The following SPTBN4 variants were observed in gnomAD, a reference collection of about 807,000 sequenced individuals.
The protein encoded by SPTBN4 is spectrin beta, non-erythrocytic 4, also known as spectrin beta chain, non-erythrocytic 4.
A neutral mutation model predicts 277.8 loss-of-function variants in SPTBN4; 96 were observed. The ratio of observed to expected loss-of-function variants is 0.35; its 90% CI spans 0.29 to 0.41. The LOEUF (loss-of-function observed/expected upper bound fraction) is 0.41, where lower values mean the gene tolerates loss of function less well. Ranked by LOEUF, SPTBN4 falls within the 10% of genes least tolerant of loss-of-function variation. The pLI is 1.00. For synonymous variants in SPTBN4, 1,481 were observed against 1,580.3 expected, an observed-to-expected ratio of 0.94 and a Z score of 1.49; for missense variants, 3,006 against 3,595.7, an observed-to-expected ratio of 0.84 and a Z score of 4.19.
chr19:40,567,297 A>G (rs2081103153), intron 30 of SPTBN4: 1 of 134,704 alleles, frequency 7.4e-6, no homozygotes, highest in East Asian at 2.2e-4. Flanking sequence ...AGACTGTCTC[A>G]AAAATAAATA....
At chr19:40,545,662 C>A (rs1339558970) in intron 20 of SPTBN4, among the ~76,000 whole-genome samples, 1 of 151,912 alleles carries the variant, frequency 6.6e-6, no homozygotes, top group East Asian at 1.9e-4. Context: ...AATCCCAGCA[C>A]TTTGGGAGGC....
chr19:40,510,626 T>C (rs753962735), intron 13 of SPTBN4, among the ~76,000 whole-genome samples: 11 of 152,204 alleles, frequency 7.2e-5, no homozygotes, highest in Non-Finnish European at 1.3e-4. Flanking sequence ...ATTGTAACTA[T>C]TATTCAGTTG....
chr19:40,502,576 G>C lies in SPTBN4; in HGVS notation c.1203+69G>C. 6.8e-7 allele frequency: 1 copy of C among 1,480,010 alleles called. No homozygotes were observed. Among genetic ancestry groups the C allele is most frequent in the South Asian group, 1.3e-5 (1 of 78,352 alleles). 91.7% of individuals were successfully genotyped at this position (1,480,010 alleles called of 1,614,324 possible). On this transcript the variant is annotated intron_variant, in intron 10 of 35. Transcript: ENST00000598249. The surrounding 1 kb of genome is among the most constrained non-coding windows in gnomAD (Gnocchi z 4.9). ...GTTGTATAGGTTGCACACTGCTCAAGGGAATCATTCACATTGTAGACATGA... is the reference window on the plus strand; with the variant it reads ...GTTGTATAGGTTGCACACTGCTCAACGGAATCATTCACATTGTAGACATGA...
In SPTBN4 at chr19:40,519,621, C is replaced by T; in HGVS notation, c.3124C>T (p.Leu1042=). 2 of 1,446,180 alleles carry T rather than the reference C, an allele frequency of 1.4e-6. No homozygotes were observed. The highest frequency in any genetic ancestry group is 9.0e-7 in the Non-Finnish European group (1 of 1,111,670). 89.6% of individuals were successfully genotyped at this position (1,446,180 alleles called of 1,614,324 possible). A position where few individuals can be genotyped will look rare whatever the true frequency, so the allele number is the denominator to read the frequency against. Residue 1042 remains leucine (L), a synonymous_variant, in exon 16 of 36, where the codon CTG becomes TTG. Transcript: ENST00000598249. The surrounding 1 kb of genome is among the most constrained non-coding windows in gnomAD (Gnocchi z 5.7). Reference sequence around the variant, plus strand: ...GCTGGAGCCGCGCCAGGCGGCCCTTCTGGAGGAGGCAGCCCTGCTGGCTGA... The same window carrying T: ...GCTGGAGCCGCGCCAGGCGGCCCTTTTGGAGGAGGCAGCCCTGCTGGCTGA... ...QALEPRQAAL[L]EEAALLAERF...
chr19:40,502,345 C>G lies in SPTBN4; in HGVS notation c.1085+30C>G, dbSNP rs1387498828. Reference sequence around the variant, plus strand: ...GGCCCAGCTCTGGAGGGAGGGTGGGCAGGGGTGGCATGACGGCAGGGCTCC... The same window carrying G: ...GGCCCAGCTCTGGAGGGAGGGTGGGGAGGGGTGGCATGACGGCAGGGCTCC... On this transcript the variant is annotated intron_variant, in intron 9 of 35. Coordinates refer to ENST00000598249, the MANE Select transcript of SPTBN4 (RefSeq NM_020971.3). The surrounding 1 kb of genome is among the most constrained non-coding windows in gnomAD (Gnocchi z 4.9). 1.9e-6 allele frequency: 3 copies of G among 1,604,604 alleles called. No individual in the cohort carries two copies. The highest frequency in any genetic ancestry group is 1.7e-6 in the Non-Finnish European group (2 of 1,173,326).
Position 40,554,849 on chromosome 19 carries a change from A to T in SPTBN4, c.5084+203A>T, listed in dbSNP as rs1349768587. The stretch of plus-strand genomic sequence containing the variant: ...TGGTTGAGAGGGTGGGGCCAGGAGC[A>T]CCTGGATTTGAGTGTAGTAGTGGGG... On this transcript the variant is annotated intron_variant, in intron 24 of 35. Coordinates refer to ENST00000598249, the MANE Select transcript of SPTBN4 (RefSeq NM_020971.3). This position sits in a 1 kb window ranked among gnomAD's most constrained non-coding sequence, Gnocchi z 5.7. 1 of 703,584 alleles carries T rather than the reference A, an allele frequency of 1.4e-6. No homozygotes were observed. Among genetic ancestry groups the T allele is most frequent in the Non-Finnish European group, 2.3e-6 (1 of 433,030 alleles). 43.6% of individuals were successfully genotyped at this position (703,584 alleles called of 1,614,324 possible).
At position 40,519,658 on chromosome 19, in the gene SPTBN4, C is replaced by T; in HGVS notation, c.3161C>T (p.Ala1054Val). Residue 1054 changes from alanine (A) to valine (V), a missense_variant, in exon 16 of 36, where the codon GCG (alanine) becomes GTG (valine). By Grantham distance (64) the Ala-to-Val change is moderately conservative. This residue lies in a region of SPTBN4 where 1,759 missense variants were observed against 2,061.5 expected (regional missense o/e 0.85). Transcript: ENST00000598249. This position sits in a 1 kb window ranked among gnomAD's most constrained non-coding sequence, Gnocchi z 5.7. Reference sequence around the variant, plus strand: ...GCCCTGCTGGCTGAGCGCTTCCCGGCGCAGGCGGCGCGGCTGCACCAGGGC... The same window carrying T: ...GCCCTGCTGGCTGAGCGCTTCCCGGTGCAGGCGGCGCGGCTGCACCAGGGC... ...EAALLAERFP[A>V]QAARLHQGAE... The T allele has an allele frequency of 7.2e-7, 1 of 1,394,102 alleles. No homozygotes were observed. The highest frequency in any genetic ancestry group is 9.2e-7 in the Non-Finnish European group (1 of 1,085,766). 86.4% of individuals were successfully genotyped at this position (1,394,102 alleles called of 1,614,324 possible). A position where few individuals can be genotyped will look rare whatever the true frequency, so the allele number is the denominator to read the frequency against.
At chr19:40,529,195 G>C (rs1033388820) in intron 18 of SPTBN4, 64 bp downstream of exon 18, 2 of 1,477,838 alleles carry the variant, frequency 1.4e-6, no homozygotes, top group Non-Finnish European at 1.9e-6. Context: ...AGTGCTTCTC[G>C]GCCGAGGTGG....
intron 11 of SPTBN4, 140 bp downstream of exon 11, chr19:40,503,073 T>C: frequency 9.0e-7 from 1 of 1,105,326 alleles, no homozygotes; most frequent in Non-Finnish European, 1.3e-6. Context: ...AGGATGGGGA[T>C]GGGAGACTTG....
intron 29 of SPTBN4, 63 bp downstream of exon 29, chr19:40,565,808 C>G: frequency 6.6e-7 from 1 of 1,512,244 alleles, no homozygotes; most frequent in South Asian, 1.2e-5. Flanking sequence ...CCTGTCCAGC[C>G]AAGGCCCAGA....
chr19:40,489,225 A>AG (rs2080108313), intron 3 of SPTBN4, among the ~76,000 whole-genome samples: 2 of 128,826 alleles, frequency 1.6e-5, no homozygotes, highest in African/African-American at 4.0e-5. Context: ...CCAAAAAAAA[A>AG]AAAAAAGAAA....
intron 31 of SPTBN4, 89 bp downstream of exon 31, chr19:40,568,371 G>T: frequency 6.9e-7 from 1 of 1,439,154 alleles, no homozygotes; most frequent in Non-Finnish European, 9.2e-7. Flanking sequence ...AGGGCTTCAG[G>T]GCTCAGAACT....
chr19:40,486,208 C>G (rs76877866), intron 2 of SPTBN4, among the ~76,000 whole-genome samples: 5,394 of 151,862 alleles, frequency 0.036, 143 homozygotes, highest in South Asian at 0.083. Context: ...GGAGGATCAC[C>G]TGAGGCTGGG....
In SPTBN4 at chr19:40,534,254, A is replaced by C. The variant is rs757376319; in HGVS notation, c.4270A>C (p.Lys1424Gln). 16 of 1,614,164 alleles carry C rather than the reference A, an allele frequency of 9.9e-6. No homozygotes were observed. The highest frequency in any genetic ancestry group is 1.7e-4 in the Middle Eastern group (1 of 6,046). ...QLVQSFAELD[K>Q]KLLHMESQLQ... ...GGTGCAGAGCTTTGCTGAGCTGGAC[A>C]AGAAGCTCCTTCACATGGAGAGCCA... Residue 1424 changes from lysine to glutamine, a missense_variant, in exon 20 of 36, where the codon AAG becomes CAG. Around this residue, in one of 5 missense-constraint regions of SPTBN4, gnomAD observed 1,759 missense variants for 2,061.5 expected, o/e 0.85. Coordinates refer to ENST00000598249, the MANE Select transcript of SPTBN4 (RefSeq NM_020971.3).
At chr19:40,530,520 C>T (rs1272540811) in intron 18 of SPTBN4, 3 of 980,386 alleles carry the variant, frequency 3.1e-6, no homozygotes, top group Non-Finnish European at 3.6e-6. Flanking sequence ...CTGCCGCTGC[C>T]GTCGCAGTTG....
intron 17 of SPTBN4, 111 bp from the exon 18 acceptor site, chr19:40,528,930 A>G (rs2080627158): frequency 1.3e-6 from 1 of 763,260 alleles, no homozygotes; most frequent in Non-Finnish European, 2.2e-6. Context: ...TCTCTTACAT[A>G]TTTTCCACGC....
At chr19:40,513,582 G>C in intron 14 of SPTBN4, 28 bp downstream of exon 14, 1 of 1,505,566 alleles carries the variant, frequency 6.6e-7, no homozygotes, top group Non-Finnish European at 8.9e-7. Flanking sequence ...GGACTCCGGG[G>C]TCCCCTTCCT....
chr19:40,560,773 G>C lies in SPTBN4; in HGVS notation c.5915+370G>C. ...TTCCAGCATCTCAGTGGCTTCATTA[G>C]TGGGCATGGGCTTATTGCTCACATA... On this transcript the variant is annotated intron_variant, in intron 27 of 35. Transcript: ENST00000598249. This position sits in a 1 kb window ranked among gnomAD's most constrained non-coding sequence, Gnocchi z 5.2. 7.9e-7 allele frequency: 1 copy of C among 1,265,696 alleles called. No individual in the cohort carries two copies. The highest frequency in any genetic ancestry group is 1.0e-6 in the Non-Finnish European group (1 of 996,018). The allele number at this position is 1,265,696 out of a possible 1,614,324, so 78.4% of individuals were successfully genotyped here.
rs927468873 is a variant in SPTBN4 at position 40,573,154 on chromosome 19, T to C, written c.7536+774T>C. Among the ~76,000 whole-genome samples the C allele has an allele frequency of 9.2e-5, 14 of 152,012 alleles. No homozygotes were observed. The East Asian group carries it at 2.5e-3, about 28-fold the overall frequency. ...AAGATCCCATCTCTATGGGTAATAA[T>C]AATAATAAATTAGCCGGGAGTGGTG... On this transcript the variant is annotated intron_variant, in intron 35 of 35. Transcript: ENST00000598249.
Sources: gnomAD v4.1 joint callset for allele counts (sites outside exome capture counted in the v4.1 genomes callset) on GRCh38, gnomAD v4.1.1 for gene constraint, gnomAD v4.1.1 regional missense constraint, Gnocchi (gnomAD v3.1) non-coding constraint, MANE v1.5 for transcripts, NCBI Gene and HGNC (gene_info 2026-07-23, HGNC 2026-07-21) for gene names.